SUN1: variants seen among roughly 807,000 people sequenced by gnomAD.
SUN1 encodes the protein SUN domain-containing protein 1.
Under a neutral mutation model 103.2 loss-of-function variants are expected in SUN1, and 61 were observed. The observed-to-expected ratio is 0.59, with a 90% CI of 0.48 to 0.73. SUN1 has a LOEUF of 0.73. Among genes scored for constraint, SUN1 ranks in the 30% least tolerant of loss-of-function variants. The probability of loss-of-function intolerance (pLI) is 0.00; values close to 1 mark genes in which losing one functional copy is unlikely to be tolerated. For missense variants in SUN1, 1,052 were observed against 1,034.6 expected (o/e 1.02, Z -0.23); for synonymous variants, 490 against 425.7 (o/e 1.15, Z -1.86).
chr7:833,690 T>C (rs949812897), intron 1 of SUN1, among the ~76,000 whole-genome samples: 5 of 152,228 alleles, frequency 3.3e-5, no homozygotes, highest in African/African-American at 4.8e-5. Context: ...AAAATACTTG[T>C]TACCAGCATT....
intron 6 of SUN1, 92 bp downstream of exon 6, chr7:851,574 A>G (rs1322893268): frequency 2.7e-6 from 3 of 1,106,836 alleles, no homozygotes; most frequent in Non-Finnish European, 4.0e-6. Flanking sequence ...TAAAAATCTC[A>G]TTTAGGCTCT....
chr7:821,873 G>T (rs562771170), intron 1 of SUN1, among the ~76,000 whole-genome samples: 211 of 152,332 alleles, frequency 1.4e-3, no homozygotes, highest in African/African-American at 4.9e-3. Context: ...TATCTAGGCA[G>T]TAGGCCCAGT....
At chr7:860,002 G>A in intron 13 of SUN1, 126 bp from the exon 14 acceptor site, 1 of 1,254,332 alleles carries the variant, frequency 8.0e-7, no homozygotes, top group Non-Finnish European at 1.1e-6. Flanking sequence ...GGAAAACACT[G>A]TCACAATGAC....
chr7:836,396 T>C (rs181580409), intron 1 of SUN1, among the ~76,000 whole-genome samples: 1 of 152,270 alleles, frequency 6.6e-6, no homozygotes, highest in East Asian at 1.9e-4. Flanking sequence ...AATTGGCTCA[T>C]GGAGGCTGGC....
intron 1 of SUN1, among the ~76,000 whole-genome samples, chr7:820,591 G>T (rs367840042): frequency 1.4e-3 from 214 of 152,304 alleles, no homozygotes; most frequent in South Asian, 0.011. Flanking sequence ...AGAACTTCCA[G>T]TATAGTGTTG....
In SUN1 at chr7:856,344, C is replaced by T. The variant is rs767405203; in HGVS notation, c.1351-14C>T. 6.2e-7 allele frequency: 1 copy of T among 1,613,270 alleles called. No individual in the cohort carries two copies. Among genetic ancestry groups the T allele is most frequent in the Non-Finnish European group, 8.5e-7 (1 of 1,179,306 alleles). The stretch of plus-strand genomic sequence containing the variant: ...ACTTATGTGTTTCAGTAGACTATTT[C>T]TCATACTTTTTAGGCCATCCAGAAG... On this transcript the variant is annotated splice_polypyrimidine_tract_variant and intron_variant, in intron 11 of 18. Transcript: ENST00000401592.
rs184987030 is a variant in SUN1 at position 817,570 on chromosome 7, G to A, written c.-74+897G>A. 2.8e-5 allele frequency: 42 copies of A among 1,516,282 alleles called. 1 individual carries two copies. In the East Asian group the frequency reaches 9.6e-4, roughly 35 times the overall value. The allele number at this position is 1,516,282 out of a possible 1,614,324, so 93.9% of individuals were successfully genotyped here. ...GGTTGCTGCGTCTGGCTCTGATTCCGGGTGGGAAGCTGCCCATAATTGTGT... is the reference window on the plus strand; with the variant it reads ...GGTTGCTGCGTCTGGCTCTGATTCCAGGTGGGAAGCTGCCCATAATTGTGT... On this transcript the variant is annotated intron_variant, in intron 1 of 17. Coordinates refer to the SUN1 transcript ENST00000389574.
Position 850,255 on chromosome 7 carries a change from G to A in SUN1, c.659-1129G>A, listed in dbSNP as rs113654062. Reference sequence around the variant, plus strand: ...ACTCTGTTGCCCAGGCTGGAGTGCAGTGGTGCAATCTTGGCTCACTGCAGC... The same window carrying A: ...ACTCTGTTGCCCAGGCTGGAGTGCAATGGTGCAATCTTGGCTCACTGCAGC... On this transcript the variant is annotated intron_variant, in intron 5 of 18. Coordinates refer to ENST00000401592, the MANE Select transcript of SUN1 (RefSeq NM_001130965.3). 1.2e-3 allele frequency: 629 copies of A among 524,006 alleles called. 6 individuals are homozygous for A. The highest frequency in any genetic ancestry group is 0.011 in the African/African-American group (577 of 52,186). 32.5% of individuals were successfully genotyped at this position (524,006 alleles called of 1,614,324 possible). A position where few individuals can be genotyped will look rare whatever the true frequency, so the allele number is the denominator to read the frequency against.
chr7:853,111 A>G (rs1823809959), intron 9 of SUN1, 159 bp downstream of exon 9: 5 of 1,003,652 alleles, frequency 5.0e-6, no homozygotes, highest in Admixed American at 2.9e-5. Context: ...TAAGTGTTCT[A>G]GGATAGTTCA....
intron 17 of SUN1, among the ~76,000 whole-genome samples, chr7:871,385 C>A (rs542146082): frequency 6.6e-6 from 1 of 152,206 alleles, no homozygotes; most frequent in African/African-American, 2.4e-5. Flanking sequence ...TGCCCTGAGT[C>A]TTTCAGAGGT....
At position 817,160 on chromosome 7, in the gene SUN1, G is replaced by T. The variant is rs1781396974; in HGVS notation, c.-74+487G>T. 7 of 485,146 alleles carry T rather than the reference G, an allele frequency of 1.4e-5. No homozygotes were observed. The East Asian group carries it at 2.0e-4, about 14-fold the overall frequency. 30.1% of individuals were successfully genotyped at this position (485,146 alleles called of 1,614,324 possible). On this transcript the variant is annotated intron_variant, in intron 1 of 17. Transcript: ENST00000389574. The stretch of plus-strand genomic sequence containing the variant: ...TTTATTTAAGAGGGGGGGTCTCGCT[G>T]TGTTTCCCAGGCTGGTCTCGACCTC...
In SUN1 at chr7:857,751, C is replaced by T; in HGVS notation, c.1395-77C>T. 2.8e-6 allele frequency: 4 copies of T among 1,438,388 alleles called. No individual in the cohort carries two copies. The South Asian group carries it at 6.6e-5, about 24-fold the overall frequency. The allele number at this position is 1,438,388 out of a possible 1,614,324, so 89.1% of individuals were successfully genotyped here. ...ACACCCAGGAGTGGGATCGGGTTCC[C>T]CTCAGCCTGTGTGTAGTGTGGGAAG... On this transcript the variant is annotated intron_variant, in intron 12 of 18. Transcript: ENST00000401592.
rs762848702 is a variant in SUN1 at position 873,269 on chromosome 7, T to G, written c.2296T>G (p.Trp766Gly). ...QIVELRIFSN[W>G]GHPEYTCLYR... Reference sequence around the variant, plus strand: ...AGTGGAACTTCGGATTTTTTCTAACTGGGGCCATCCTGAGTATACCTGTCT... The same window carrying G: ...AGTGGAACTTCGGATTTTTTCTAACGGGGGCCATCCTGAGTATACCTGTCT... The change falls in exon 19 of 19, where the codon TGG (tryptophan) becomes GGG (glycine). Residue 766 changes from tryptophan (W) to glycine (G), a missense_variant. Around this residue, in one of 2 missense-constraint regions of SUN1, gnomAD observed 206 missense variants for 260.1 expected, o/e 0.79. Coordinates refer to ENST00000401592, the MANE Select transcript of SUN1 (RefSeq NM_001130965.3). 1.9e-6 allele frequency: 3 copies of G among 1,614,140 alleles called. No homozygotes were observed. In the African/African-American group the frequency reaches 4.0e-5, roughly 22 times the overall value.
intron 16 of SUN1, among the ~76,000 whole-genome samples, chr7:868,012 G>C (rs1838404804): frequency 6.6e-6 from 1 of 152,250 alleles, no homozygotes; most frequent in Non-Finnish European, 1.5e-5. Context: ...CTGGCAAAGG[G>C]AGAGCAGTTC....
At chr7:865,326 G>A (rs1004940246) in intron 15 of SUN1, among the ~76,000 whole-genome samples, 5 of 151,986 alleles carry the variant, frequency 3.3e-5, no homozygotes, top group African/African-American at 1.2e-4. Context: ...GGCCAGGCTG[G>A]TCTGGAACTC....
Position 855,156 on chromosome 7 carries a change from T to G in SUN1, c.1350+150T>G. ...ATGGAAAGAAACACTTGTTCTCTGG[T>G]GTGGCAGCGGCTCTGGGGCTCTAAC... On this transcript the variant is annotated intron_variant, in intron 11 of 18. Transcript: ENST00000401592. The G allele has an allele frequency of 4.6e-6, 3 of 647,024 alleles. No individual in the cohort carries two copies. In the South Asian group the frequency reaches 5.8e-5, roughly 13 times the overall value. The allele number at this position is 647,024 out of a possible 1,614,324, so 40.1% of individuals were successfully genotyped here.
chr7:850,803 A>G (rs1821331395), intron 5 of SUN1: 1 of 151,750 alleles, frequency 6.6e-6, no homozygotes, highest in Non-Finnish European at 1.5e-5. Flanking sequence ...CTGGAACAAA[A>G]CAGATTTCAT....
At chr7:862,354 A>T (rs1832869544) in intron 15 of SUN1, among the ~76,000 whole-genome samples, 1 of 152,102 alleles carries the variant, frequency 6.6e-6, no homozygotes, top group Admixed American at 6.5e-5. Context: ...GTTGCGCAGG[A>T]TCCTAATCCC....
chr7:859,602 C>T (rs1411116558), intron 13 of SUN1, among the ~76,000 whole-genome samples: 3 of 152,260 alleles, frequency 2.0e-5, no homozygotes, highest in Middle Eastern at 3.4e-3. Flanking sequence ...GATGAACGGT[C>T]GTGTCCTAGG....
Sources: allele counts gnomAD v4.1 joint callset (sites outside exome capture counted in the v4.1 genomes callset), GRCh38; gene constraint gnomAD v4.1.1; regional missense constraint gnomAD v4.1.1; transcripts MANE v1.5; gene names NCBI Gene and HGNC (gene_info 2026-07-23, HGNC 2026-07-21).